Variants in DACH2 observed in about 807,000 individuals in gnomAD.
DACH2 encodes dachshund family transcription factor 2, also known as dachshund homolog 2.
DACH2 carries 17 observed loss-of-function variants against 35.8 expected under a neutral mutation model. The ratio of observed to expected loss-of-function variants is 0.48; its 90% CI spans 0.33 to 0.71. The LOEUF (loss-of-function observed/expected upper bound fraction) is 0.71. Among genes scored for constraint, DACH2 ranks in the 30% least tolerant of loss-of-function variants. DACH2 has a pLI of 0.02. For synonymous variants in DACH2, 195 were observed against 177.3 expected (o/e 1.10, Z -0.79); for missense variants, 469 against 472.7 (o/e 0.99, Z 0.07).
At chrX:86,636,016 C>A (rs749047327) in intron 3 of DACH2, among the ~76,000 whole-genome samples, 102 of 112,095 alleles carry the variant, frequency 9.1e-4, no homozygotes, top group African/African-American at 3.2e-3. Context: ...TCTTCACAAA[C>A]CCAGAGAAAA....
intron 3 of DACH2, among the ~76,000 whole-genome samples, chrX:86,532,646 G>C (rs1417807536): frequency 9.0e-6 from 1 of 111,267 alleles, no homozygotes; most frequent in Non-Finnish European, 1.9e-5. Context: ...CCAGTCTCAA[G>C]TAGTTCTTTA....
At chrX:86,790,537 T>C (rs1309235029) in intron 7 of DACH2, among the ~76,000 whole-genome samples, 1 of 111,939 alleles carries the variant, frequency 8.9e-6, no homozygotes, top group African/African-American at 3.2e-5. Flanking sequence ...AATTCACATA[T>C]AACTCTTTGT....
chrX:86,467,956 A>G (rs1375088328), intron 2 of DACH2, among the ~76,000 whole-genome samples: 1 of 111,468 alleles, frequency 9.0e-6, no homozygotes, highest in Non-Finnish European at 1.9e-5. Flanking sequence ...GGTCCCTCCC[A>G]TGATACATGG....
chrX:86,436,466 CT>C (rs2037069999), intron 2 of DACH2, among the ~76,000 whole-genome samples: 1 of 110,205 alleles, frequency 9.1e-6, no homozygotes, highest in East Asian at 2.8e-4. Context: ...AGGTGATGGA[CT>C]GTGTTAACTG....
chrX:86,813,629 ATGG>A (rs1260380307), intron 9 of DACH2, among the ~76,000 whole-genome samples: 1 of 88,096 alleles, frequency 1.1e-5, no homozygotes, highest in African/African-American at 3.8e-5. Flanking sequence ...AATAATAATA[ATGG>A]TAATAATAAT....
At chrX:86,382,102 G>A (rs1412042821) in intron 2 of DACH2, among the ~76,000 whole-genome samples, 1 of 110,260 alleles carries the variant, frequency 9.1e-6, no homozygotes, top group Non-Finnish European at 1.9e-5. Context: ...AGCAGAGAGA[G>A]GACTCAGGTT....
At chrX:86,195,289 C>T (rs1331578586) in intron 1 of DACH2, among the ~76,000 whole-genome samples, 2 of 112,284 alleles carry the variant, frequency 1.8e-5, no homozygotes, top group East Asian at 5.6e-4. Flanking sequence ...CCTGCCCTGC[C>T]TCTGCCAGTG....
At chrX:86,737,267 C>T (rs1446014818) in intron 6 of DACH2, among the ~76,000 whole-genome samples, 4 of 110,548 alleles carry the variant, frequency 3.6e-5, no homozygotes, top group Non-Finnish European at 5.7e-5. Context: ...TTTATTTTTC[C>T]GTGCAGACAT....
chrX:86,231,704 C>T (rs993785435), intron 1 of DACH2, among the ~76,000 whole-genome samples: 1 of 112,371 alleles, frequency 8.9e-6, no homozygotes. Flanking sequence ...CTTCCCCTGC[C>T]TGTGAAGTCT....
intron 4 of DACH2, among the ~76,000 whole-genome samples, chrX:86,665,313 A>G (rs191463318): frequency 1.6e-3 from 177 of 112,042 alleles, no homozygotes; most frequent in African/African-American, 5.3e-3. Context: ...CCTTTGAATT[A>G]CCCCTATGAG....
rs1317768432 is a variant in DACH2 at position 86,561,912 on chromosome X, A to G, written c.640+47521A>G. Reference sequence around the variant, plus strand: ...ACTTAAAGTAGAATTAAAAAAAAAAAAAAAAAAAGAGAATTCAGCAAGGAT... The same window carrying G: ...ACTTAAAGTAGAATTAAAAAAAAAAGAAAAAAAAGAGAATTCAGCAAGGAT... On this transcript the variant is annotated intron_variant, in intron 3 of 11. Transcript: ENST00000373125. Among the ~76,000 whole-genome samples, 19 of 101,409 alleles carry G rather than the reference A, an allele frequency of 1.9e-4. No homozygotes were observed. The Admixed American group carries it at 2.0e-3, about 11-fold the overall frequency. 88.1% of individuals were successfully genotyped at this position (101,409 alleles called of 115,157 possible).
chrX:86,778,043 T>G (rs1266567872), intron 7 of DACH2, among the ~76,000 whole-genome samples: 15 of 111,892 alleles, frequency 1.3e-4, no homozygotes, highest in Non-Finnish European at 2.8e-4. Flanking sequence ...CATTTGTAGA[T>G]GGCCAATTAG....
chrX:86,760,399 C>T (rs952256147), intron 7 of DACH2, among the ~76,000 whole-genome samples: 2 of 111,619 alleles, frequency 1.8e-5, no homozygotes, highest in Non-Finnish European at 3.8e-5. Flanking sequence ...TTTTTCAATT[C>T]TTTTTTCTTT....
At chrX:86,784,145 A>G (rs914449233) in intron 7 of DACH2, among the ~76,000 whole-genome samples, 1 of 106,677 alleles carries the variant, frequency 9.4e-6, no homozygotes, top group East Asian at 2.9e-4. Context: ...GATAAAAATT[A>G]AAAAAAAAAC....
At chrX:86,644,142 G>C (rs772665251) in intron 3 of DACH2, among the ~76,000 whole-genome samples, 1 of 111,102 alleles carries the variant, frequency 9.0e-6, no homozygotes, top group Admixed American at 9.6e-5. Context: ...AAGAAAAAAG[G>C]GCATCTGAAT....
intron 1 of DACH2, among the ~76,000 whole-genome samples, chrX:86,162,971 GC>G (rs1157447837): frequency 9.0e-6 from 1 of 110,654 alleles, no homozygotes; most frequent in Non-Finnish European, 1.9e-5. Flanking sequence ...TTTTATATAG[GC>G]ATGCAATGTG....
At chrX:86,433,313 C>T (rs1406833696) in intron 2 of DACH2, among the ~76,000 whole-genome samples, 1 of 111,253 alleles carries the variant, frequency 9.0e-6, no homozygotes, top group Non-Finnish European at 1.9e-5. Context: ...ACAAATCTTG[C>T]CTGATTAGTT....
At chrX:86,166,647 T>A (rs909498818) in intron 1 of DACH2, among the ~76,000 whole-genome samples, 7 of 111,400 alleles carry the variant, frequency 6.3e-5, no homozygotes, top group African/African-American at 2.3e-4. Flanking sequence ...GTTCCAGATC[T>A]TAAAAGAAAA....
At position 86,419,007 on chromosome X, in the gene DACH2, C is replaced by A. The variant is rs994021535; in HGVS notation, c.527+42145C>A. 4.5e-5 allele frequency among the ~76,000 whole-genome samples: 5 copies of A among 111,766 alleles called. No homozygotes were observed. In the Admixed American group the frequency reaches 4.7e-4, roughly 11 times the overall value. On this transcript the variant is annotated intron_variant, in intron 2 of 11. Transcript: ENST00000373125. ...CTCCAGTCTCTTTGCTAAAACATAA[C>A]AAGGGTTGCCTTTGCTCCAGTTCCC...
Sources: allele counts gnomAD v4.1 joint callset (sites outside exome capture counted in the v4.1 genomes callset), GRCh38; gene constraint gnomAD v4.1.1; transcripts MANE v1.5; gene names NCBI Gene and HGNC (gene_info 2026-07-23, HGNC 2026-07-21).